FBXL7: variants seen among roughly 807,000 people sequenced by gnomAD.
FBXL7 encodes F-box and leucine rich repeat protein 7.
FBXL7 carries 12 observed loss-of-function variants against 38.3 expected under a neutral mutation model. The observed-to-expected ratio is 0.31, with a 90% CI of 0.20 to 0.51. The LOEUF (loss-of-function observed/expected upper bound fraction) is 0.51. Ranked by LOEUF, FBXL7 falls within the 20% of genes least tolerant of loss-of-function variation. The probability of loss-of-function intolerance (pLI) is 0.98; values close to 1 mark genes in which losing one functional copy is unlikely to be tolerated. For synonymous variants in FBXL7, 297 were observed against 300.9 expected (o/e 0.99, Z 0.13); for missense variants, 567 against 676.4 (o/e 0.84, Z 1.79).
chr5:15,843,002 A>G (rs1367985249), intron 2 of FBXL7, among the ~76,000 whole-genome samples: 4 of 152,204 alleles, frequency 2.6e-5, no homozygotes, highest in Non-Finnish European at 5.9e-5. Context: ...GGTTATATAC[A>G]AATGTACAAA....
chr5:15,510,792 G>T (rs887384733), intron 1 of FBXL7, among the ~76,000 whole-genome samples: 4 of 152,194 alleles, frequency 2.6e-5, no homozygotes, highest in Admixed American at 2.0e-4. Flanking sequence ...ATAGCTAGCA[G>T]TTATTGAGCA....
In FBXL7 at chr5:15,938,750, T is replaced by G. The variant is rs1006963373; in HGVS notation, c.*1564T>G. On this transcript the variant is annotated 3_prime_UTR_variant, in exon 4 of 4. Transcript: ENST00000504595. ...GTATGGATTTTAAATGGATGAAACT[T>G]CAAATTATCTTATTTGGATAGAAGT... is the stretch of plus-strand genomic sequence containing the variant. 9.7e-5 allele frequency: 36 copies of G among 370,548 alleles called. No homozygotes were observed. In the East Asian group the frequency reaches 1.4e-3, roughly 14 times the overall value. The allele number at this position is 370,548 out of a possible 1,614,324, so 23.0% of individuals were successfully genotyped here. A position where few individuals can be genotyped will look rare whatever the true frequency, so the allele number is the denominator to read the frequency against.
intron 2 of FBXL7, among the ~76,000 whole-genome samples, chr5:15,647,697 A>C (rs1741575335): frequency 6.6e-6 from 1 of 152,248 alleles, no homozygotes; most frequent in Non-Finnish European, 1.5e-5. Context: ...GACCAGTAAC[A>C]GAGGAAGAGG....
intron 2 of FBXL7, among the ~76,000 whole-genome samples, chr5:15,715,393 A>C (rs1744014340): frequency 6.7e-6 from 1 of 148,602 alleles, no homozygotes; most frequent in African/African-American, 2.5e-5. Flanking sequence ...CGGGAGGCTG[A>C]GGCAGAAGAA....
chr5:15,547,064 G>A (rs546276270), intron 1 of FBXL7, among the ~76,000 whole-genome samples: 1 of 152,306 alleles, frequency 6.6e-6, no homozygotes, highest in African/African-American at 2.4e-5. Flanking sequence ...GTGAGACCTG[G>A]GTCAGAGGTA....
At chr5:15,892,152 A>C (rs941719490) in intron 2 of FBXL7, among the ~76,000 whole-genome samples, 11 of 152,240 alleles carry the variant, frequency 7.2e-5, no homozygotes, top group Admixed American at 6.5e-5. Context: ...GGACAGGGGA[A>C]CAAACGGAGT....
At chr5:15,800,622 C>T (rs1049582397) in intron 2 of FBXL7, among the ~76,000 whole-genome samples, 3 of 152,116 alleles carry the variant, frequency 2.0e-5, no homozygotes, top group Non-Finnish European at 4.4e-5. Context: ...TTATTTTGTA[C>T]GTGATAAAAT....
chr5:15,772,730 G>C (rs1441536416), intron 2 of FBXL7, among the ~76,000 whole-genome samples: 1 of 152,096 alleles, frequency 6.6e-6, no homozygotes, highest in African/African-American at 2.4e-5. Flanking sequence ...GGAGGGAAGA[G>C]CTAATTTTCA....
intron 2 of FBXL7, among the ~76,000 whole-genome samples, chr5:15,888,131 A>T (rs900737457): frequency 1.3e-5 from 2 of 152,222 alleles, no homozygotes; most frequent in Non-Finnish European, 1.5e-5. Flanking sequence ...GAAATTGTCA[A>T]TAAGAATCAA....
At chr5:15,631,667 C>CAAAAAAAA in intron 2 of FBXL7, among the ~76,000 whole-genome samples, 1 of 43,928 alleles carries the variant, frequency 2.3e-5, no homozygotes, top group Non-Finnish European at 4.0e-5. Flanking sequence ...AGCGAGACTC[C>CAAAAAAAA]AAAAAAAAAA....
chr5:15,799,274 T>C (rs1737495458), intron 2 of FBXL7, among the ~76,000 whole-genome samples: 1 of 151,154 alleles, frequency 6.6e-6, no homozygotes, highest in Admixed American at 6.6e-5. Flanking sequence ...TTGAGACAGA[T>C]AGAGGAAGAA....
rs16903926 is a variant in FBXL7 at position 15,563,628 on chromosome 5, G to A, written c.38-52355G>A. Among the ~76,000 whole-genome samples, 308 of 152,116 alleles carry A rather than the reference G, an allele frequency of 2.0e-3. 6 individuals are homozygous for A. Among genetic ancestry groups the A allele is most frequent in the Admixed American group, 0.019 (294 of 15,246 alleles). On this transcript the variant is annotated intron_variant, in intron 1 of 3. Coordinates refer to ENST00000504595, the MANE Select transcript of FBXL7 (RefSeq NM_012304.5). ...TCCTTCTCTGCTCCTGGCTCCTAAT[G>A]CTTGCCTAAAGAGTTTGCTCTTTCC...
intron 2 of FBXL7, among the ~76,000 whole-genome samples, chr5:15,897,013 A>T (rs1240308810): frequency 6.6e-6 from 1 of 152,174 alleles, no homozygotes; most frequent in Non-Finnish European, 1.5e-5. Context: ...ATGTGCCTGT[A>T]ATCCCAGCTG....
intron 1 of FBXL7, among the ~76,000 whole-genome samples, chr5:15,591,989 T>TG (rs1432229919): frequency 6.6e-6 from 1 of 152,130 alleles, no homozygotes; most frequent in Non-Finnish European, 1.5e-5. Flanking sequence ...GGATTACAGG[T>TG]GTGAGCCACC....
At chr5:15,770,959 C>T (rs1477892299) in intron 2 of FBXL7, among the ~76,000 whole-genome samples, 1 of 152,166 alleles carries the variant, frequency 6.6e-6, no homozygotes, top group Non-Finnish European at 1.5e-5. Context: ...AGACAAGATT[C>T]CAGTCTTATT....
intron 1 of FBXL7, among the ~76,000 whole-genome samples, chr5:15,505,198 G>A (rs1445379531): frequency 1.3e-5 from 2 of 152,112 alleles, no homozygotes; most frequent in Admixed American, 6.5e-5. Flanking sequence ...TTCTATGTCC[G>A]GGCATAATTC....
chr5:15,665,221 AC>A (rs1206863256), intron 2 of FBXL7, among the ~76,000 whole-genome samples: 1 of 151,818 alleles, frequency 6.6e-6, no homozygotes, highest in East Asian at 1.9e-4. Context: ...CTCCTTCCAT[AC>A]CCCCCAATTT....
chr5:15,527,522 A>G (rs1008002508), intron 1 of FBXL7, among the ~76,000 whole-genome samples: 7 of 152,204 alleles, frequency 4.6e-5, no homozygotes, highest in African/African-American at 1.7e-4. Context: ...TATCTTTTGG[A>G]GACAGAATTT....
chr5:15,758,408 T>G (rs1736356422), intron 2 of FBXL7, among the ~76,000 whole-genome samples: 2 of 151,972 alleles, frequency 1.3e-5, no homozygotes, highest in Admixed American at 1.3e-4. Context: ...CTAATGACCC[T>G]GTGACTCAAG....
Sources: gnomAD v4.1 joint callset for allele counts (sites outside exome capture counted in the v4.1 genomes callset) on GRCh38, gnomAD v4.1.1 for gene constraint, MANE v1.5 for transcripts, NCBI Gene and HGNC (gene_info 2026-07-23, HGNC 2026-07-21) for gene names.